NCOA2: variants seen among roughly 807,000 people sequenced by gnomAD.
NCOA2 encodes the protein nuclear receptor coactivator 2, also known as class E basic helix-loop-helix protein 75.
NCOA2 carries 21 observed loss-of-function variants against 145.1 expected under a neutral mutation model. The observed-to-expected ratio is 0.14, with a 90% CI of 0.10 to 0.21. The LOEUF is 0.21. Ranked by LOEUF, NCOA2 falls within the 10% of genes least tolerant of loss-of-function variation. NCOA2 has a pLI of 1.00. For missense variants in NCOA2, 1,472 were observed against 1,837.6 expected, an observed-to-expected ratio of 0.80 and a Z score of 3.64; for synonymous variants, 619 against 637.5, an observed-to-expected ratio of 0.97 and a Z score of 0.44.
chr8:70,157,773 G>A (rs966146467), intron 10 of NCOA2, among the ~76,000 whole-genome samples: 1 of 152,148 alleles, frequency 6.6e-6, no homozygotes, highest in African/African-American at 2.4e-5. Context: ...AGAACTAATA[G>A]TTACTAAAAC....
At chr8:70,388,009 G>C (rs76638971) in intron 1 of NCOA2, among the ~76,000 whole-genome samples, 6,919 of 152,284 alleles carry the variant, frequency 0.045, 262 homozygotes, top group East Asian at 0.16. Context: ...CTTCCTAGCT[G>C]AGGTGCCAGA....
intron 4 of NCOA2, among the ~76,000 whole-genome samples, chr8:70,208,618 T>C (rs1818711442): frequency 6.6e-6 from 1 of 152,234 alleles, no homozygotes. Flanking sequence ...ATGCAGCTGG[T>C]GACTTGAAGT....
chr8:70,377,253 T>C (rs573156312), intron 1 of NCOA2, among the ~76,000 whole-genome samples: 48 of 152,024 alleles, frequency 3.2e-4, no homozygotes, highest in African/African-American at 1.2e-3. Context: ...CCTGATTACA[T>C]GGAAACTTTT....
intron 2 of NCOA2, among the ~76,000 whole-genome samples, chr8:70,242,606 A>T (rs1822239621): frequency 6.6e-6 from 1 of 152,172 alleles, no homozygotes; most frequent in Non-Finnish European, 1.5e-5. Context: ...TATAAGAGGT[A>T]CCGTGGGAAA....
At chr8:70,443,330 T>C in the NCOA2 span, among the ~76,000 whole-genome samples, 1 of 152,090 alleles carries the variant, frequency 6.6e-6, no homozygotes, top group African/African-American at 2.4e-5. Flanking sequence ...GGTCTGATCA[T>C]GACATTGCAC....
the NCOA2 span, among the ~76,000 whole-genome samples, chr8:70,425,190 G>A: frequency 6.6e-6 from 1 of 152,164 alleles, no homozygotes; most frequent in African/African-American, 2.4e-5. Context: ...TAAGCATGAG[G>A]TCTTGTTATT....
At chr8:70,128,030 C>T (rs1429789102) in intron 18 of NCOA2, among the ~76,000 whole-genome samples, 6 of 152,252 alleles carry the variant, frequency 3.9e-5, no homozygotes, top group Admixed American at 2.6e-4. Context: ...GCTAGATAAG[C>T]GCCATTCAGG....
At chr8:70,305,879 G>C (rs573623324) in intron 1 of NCOA2, among the ~76,000 whole-genome samples, 39 of 152,326 alleles carry the variant, frequency 2.6e-4, no homozygotes, top group African/African-American at 9.1e-4. Flanking sequence ...GTGTAGGACA[G>C]TGAAGAACTT....
At chr8:70,205,704 C>G (rs1473126568) in intron 4 of NCOA2, among the ~76,000 whole-genome samples, 1 of 151,956 alleles carries the variant, frequency 6.6e-6, no homozygotes, top group Non-Finnish European at 1.5e-5. Flanking sequence ...GATGCAAGTG[C>G]AAAGGAGGTT....
chr8:70,283,025 T>C, intron 2 of NCOA2, among the ~76,000 whole-genome samples: 1 of 152,224 alleles, frequency 6.6e-6, no homozygotes, highest in Non-Finnish European at 1.5e-5. Flanking sequence ...GGCTAAACAC[T>C]GAGAATAAAA....
intron 4 of NCOA2, among the ~76,000 whole-genome samples, chr8:70,181,916 C>T (rs1242809923): frequency 6.6e-6 from 1 of 152,164 alleles, no homozygotes; most frequent in African/African-American, 2.4e-5. Context: ...CAGTTTCTGA[C>T]CAAGCACTAT....
the NCOA2 span, among the ~76,000 whole-genome samples, chr8:70,428,524 T>G: frequency 6.6e-6 from 1 of 152,150 alleles, no homozygotes; most frequent in Admixed American, 6.6e-5. Flanking sequence ...CTCAGGAGGC[T>G]GAGGCAGGAG....
At chr8:70,305,602 C>T (rs1586434566) in intron 1 of NCOA2, among the ~76,000 whole-genome samples, 1 of 152,106 alleles carries the variant, frequency 6.6e-6, no homozygotes, top group East Asian at 1.9e-4. Flanking sequence ...GCCTGCTAGG[C>T]AGCACCGACC....
At chr8:70,405,450 T>G (rs1447977813), upstream of NCOA2, among the ~76,000 whole-genome samples, 2 of 129,632 alleles carry the variant, frequency 1.5e-5, no homozygotes, top group African/African-American at 5.8e-5. Context: ...TTTTTTTTTT[T>G]TTTTTTTTTT....
rs570906358 is a variant in NCOA2 at position 70,321,549 on chromosome 8, A to C, written c.-76-24749T>G. Among the ~76,000 whole-genome samples, 127 of 152,156 alleles carry C rather than the reference A, an allele frequency of 8.3e-4. 1 individual carries two copies. Among genetic ancestry groups the C allele is most frequent in the African/African-American group, 3.0e-3 (123 of 41,528 alleles). ...CAAAATTAAAATTTTTGAAAAAGAA[A>C]TTATTTATCCAAAGGAGATTTCAGT... On this transcript the variant is annotated intron_variant, in intron 1 of 22. Coordinates refer to ENST00000452400, the MANE Select transcript of NCOA2 (RefSeq NM_006540.4).
At chr8:70,259,508 A>G (rs1048592884) in intron 2 of NCOA2, among the ~76,000 whole-genome samples, 7 of 152,210 alleles carry the variant, frequency 4.6e-5, no homozygotes, top group African/African-American at 1.4e-4. Context: ...TTATACTTCA[A>G]TAACATTTTA....
At chr8:70,442,161 A>AAGAAAGAAAGAAAGAAAGAG in the NCOA2 span, among the ~76,000 whole-genome samples, 7 of 142,922 alleles carry the variant, frequency 4.9e-5, no homozygotes, top group African/African-American at 8.1e-5. Context: ...GAAAGAAAGA[A>AAGAAAGAAAGAAAGAAAGAG]AGAGAAAGGC....
intron 11 of NCOA2, among the ~76,000 whole-genome samples, chr8:70,155,305 G>T (rs987722807): frequency 2.0e-5 from 3 of 152,118 alleles, no homozygotes; most frequent in African/African-American, 7.2e-5. Flanking sequence ...GTTTAGTTAA[G>T]AATAAAGAGA....
At chr8:70,412,578 G>T in the NCOA2 span, among the ~76,000 whole-genome samples, 1 of 144,670 alleles carries the variant, frequency 6.9e-6, no homozygotes, top group Non-Finnish European at 1.5e-5. Context: ...AACCAAGGAG[G>T]CAGAGGTTGC....
Sources: gnomAD v4.1 joint callset for allele counts (sites outside exome capture counted in the v4.1 genomes callset) on GRCh38, gnomAD v4.1.1 for gene constraint, MANE v1.5 for transcripts, NCBI Gene and HGNC (gene_info 2026-07-23, HGNC 2026-07-21) for gene names.